RPH3AL: variants seen among roughly 807,000 people sequenced by gnomAD.
RPH3AL encodes the protein rab effector Noc2.
RPH3AL carries 38 observed loss-of-function variants against 43.1 expected under a neutral mutation model. The observed-to-expected ratio is 0.88, with a 90% CI of 0.68 to 1.15. The LOEUF is 1.15. RPH3AL is among the 50% of genes most tolerant of loss of function. RPH3AL has a pLI of 0.00. For synonymous variants in RPH3AL, 189 were observed against 176.3 expected (o/e 1.07, Z -0.57); for missense variants, 462 against 423.2 (o/e 1.09, Z -0.81).
chr17:317,258 C>A (rs1349491511), intron 5 of RPH3AL, among the ~76,000 whole-genome samples: 6 of 151,584 alleles, frequency 4.0e-5, no homozygotes, highest in African/African-American at 1.5e-4. Flanking sequence ...GACCTGCAGT[C>A]CCTGTGCCCC....
At chr17:266,905 G>A (rs1287852934) in intron 6 of RPH3AL, among the ~76,000 whole-genome samples, 1 of 152,248 alleles carries the variant, frequency 6.6e-6, no homozygotes, top group East Asian at 1.9e-4. Flanking sequence ...CCCAACGCTG[G>A]CTCCCGATGC....
chr17:286,432 G>A (rs990242591), intron 5 of RPH3AL, among the ~76,000 whole-genome samples: 1 of 139,684 alleles, frequency 7.2e-6, no homozygotes, highest in Non-Finnish European at 1.6e-5. Flanking sequence ...AGTGTCTCTG[G>A]CTGGCAGGGG....
At chr17:318,130 C>T (rs1354112123) in intron 5 of RPH3AL, among the ~76,000 whole-genome samples, 1 of 152,146 alleles carries the variant, frequency 6.6e-6, no homozygotes, top group Non-Finnish European at 1.5e-5. Flanking sequence ...CGCCTGTAAT[C>T]CCAGCAGTTT....
At chr17:279,138 G>A (rs80167514) in intron 6 of RPH3AL, among the ~76,000 whole-genome samples, 2,305 of 152,166 alleles carry the variant, frequency 0.015, 46 homozygotes, top group East Asian at 0.062. Context: ...CATTTTAAAC[G>A]GCCTTTCTAG....
At chr17:296,340 T>G (rs1252128303) in intron 5 of RPH3AL, among the ~76,000 whole-genome samples, 4 of 35,822 alleles carry the variant, frequency 1.1e-4, no homozygotes, top group Admixed American at 3.4e-4. Context: ...CAGAAATGGA[T>G]GGACAGAGGG....
chr17:341,600 C>G (rs2045121142), intron 1 of RPH3AL, among the ~76,000 whole-genome samples: 4 of 152,138 alleles, frequency 2.6e-5, no homozygotes, highest in African/African-American at 9.7e-5. Flanking sequence ...GCAGTGATTT[C>G]TTAGAGGACA....
At chr17:301,182 C>T (rs1404711258) in intron 5 of RPH3AL, among the ~76,000 whole-genome samples, 2 of 152,256 alleles carry the variant, frequency 1.3e-5, no homozygotes, top group East Asian at 3.8e-4. Flanking sequence ...GGCACGTAGC[C>T]GTCGGCCACC....
chr17:315,945 C>T (rs78457879), intron 5 of RPH3AL, among the ~76,000 whole-genome samples: 15,068 of 68,326 alleles, frequency 0.22, 625 homozygotes, highest in East Asian at 0.37. Context: ...CCTCCATTGA[C>T]CTGTAGTCCC....
intron 5 of RPH3AL, among the ~76,000 whole-genome samples, chr17:310,083 T>C (rs1336222262): frequency 6.6e-6 from 1 of 151,590 alleles, no homozygotes; most frequent in Admixed American, 6.6e-5. Context: ...ATGGTGACAA[T>C]GCATCCCAGG....
intron 5 of RPH3AL, among the ~76,000 whole-genome samples, chr17:293,243 C>T (rs2151625072): frequency 6.6e-6 from 1 of 152,294 alleles, no homozygotes; most frequent in South Asian, 2.1e-4. Flanking sequence ...CCAAACACCT[C>T]CTCCCTCCGC....
intron 6 of RPH3AL, among the ~76,000 whole-genome samples, chr17:275,555 A>T (rs2042635692): frequency 6.6e-6 from 1 of 152,090 alleles, no homozygotes; most frequent in Non-Finnish European, 1.5e-5. Flanking sequence ...ACTGCACACA[A>T]GTGTTTCTGA....
chr17:214,329 A>G (rs980840689), intron 9 of RPH3AL, among the ~76,000 whole-genome samples: 2 of 152,214 alleles, frequency 1.3e-5, no homozygotes, highest in African/African-American at 4.8e-5. Context: ...CTCCTAGGGG[A>G]AGGCAGTCCA....
intron 6 of RPH3AL, among the ~76,000 whole-genome samples, chr17:272,681 C>T (rs1160739402): frequency 6.6e-6 from 1 of 150,840 alleles, no homozygotes; most frequent in African/African-American, 2.4e-5. Context: ...GGGTGCAGCA[C>T]ACCAACATGG....
intron 6 of RPH3AL, among the ~76,000 whole-genome samples, chr17:249,267 G>A (rs4365339): frequency 3.9e-5 from 6 of 152,074 alleles, no homozygotes; most frequent in Admixed American, 2.6e-4. Flanking sequence ...CCAAGGTTCC[G>A]AGCCGACGTC....
rs866610643 is a variant in RPH3AL, at chr17:342,824, A to T, written c.-212-8890T>A. Among the ~76,000 whole-genome samples, 8 of 152,282 alleles carry T rather than the reference A, an allele frequency of 5.3e-5. No individual in the cohort carries two copies. In the Middle Eastern group the frequency reaches 0.01, roughly 194 times the overall value. On this transcript the variant is annotated intron_variant, in intron 1 of 9. Transcript: ENST00000331302. ...GAATGAAGACCATCTATCCCAAATTAATATGTTATTAATTTATTCTCCTCA... is the reference window on the plus strand; with the variant it reads ...GAATGAAGACCATCTATCCCAAATTTATATGTTATTAATTTATTCTCCTCA...
At chr17:349,096 G>A (rs2045305264) in intron 1 of RPH3AL, 1 of 142,572 alleles carries the variant, frequency 7.0e-6, no homozygotes, top group Admixed American at 7.1e-5. Flanking sequence ...AGTCCTGGAG[G>A]GCTTCAAAGA....
rs1333028405 is a variant in RPH3AL, at chr17:264,231, C to G, written c.439-16946G>C. ...TGTCACTCAAACCCGAATAGAACCACCCTACCTCAAAGTTCTGGCTGACAG... is the reference window on the plus strand; with the variant it reads ...TGTCACTCAAACCCGAATAGAACCAGCCTACCTCAAAGTTCTGGCTGACAG... On this transcript the variant is annotated intron_variant, in intron 6 of 9. Transcript: ENST00000331302. This position sits in a 1 kb window ranked among gnomAD's most constrained non-coding sequence, Gnocchi z 4.8. Among the ~76,000 whole-genome samples the G allele has an allele frequency of 5.3e-5, 8 of 152,202 alleles. No homozygotes were observed. The highest frequency in any genetic ancestry group is 1.9e-4 in the African/African-American group (8 of 41,436).
rs7207457 is a variant in RPH3AL, at chr17:215,841, C to G, written c.728-39G>C. ...CGTGTGGGCCCCGTGGATCTCAAACCGAGACGGGGTGATCTCAGTCCAGTT... is the reference window on the plus strand; with the variant it reads ...CGTGTGGGCCCCGTGGATCTCAAACGGAGACGGGGTGATCTCAGTCCAGTT... On this transcript the variant is annotated intron_variant, in intron 8 of 9. Coordinates refer to ENST00000331302, the MANE Select transcript of RPH3AL (RefSeq NM_006987.4). The surrounding 1 kb of genome is among the most constrained non-coding windows in gnomAD (Gnocchi z 4.1). The G allele has an allele frequency of 1.5e-6, 2 of 1,294,854 alleles. No individual in the cohort carries two copies. The highest frequency in any genetic ancestry group is 2.0e-6 in the Non-Finnish European group (2 of 1,017,960). The allele number at this position is 1,294,854 out of a possible 1,614,324, so 80.2% of individuals were successfully genotyped here.
intron 5 of RPH3AL, among the ~76,000 whole-genome samples, chr17:313,315 C>A (rs1157026911): frequency 6.6e-6 from 1 of 152,228 alleles, no homozygotes; most frequent in Non-Finnish European, 1.5e-5. Context: ...GCTCAAAACA[C>A]TCCACTGGCA....
Sources: gnomAD v4.1 joint callset for allele counts (sites outside exome capture counted in the v4.1 genomes callset) on GRCh38, gnomAD v4.1.1 for gene constraint, Gnocchi (gnomAD v3.1) non-coding constraint, MANE v1.5 for transcripts, NCBI Gene and HGNC (gene_info 2026-07-23, HGNC 2026-07-21) for gene names.